Variants in RNF145 observed in about 807,000 individuals in gnomAD.
RNF145 encodes the protein ring finger protein 145.
Under a neutral mutation model 57.3 loss-of-function variants are expected in RNF145, and 12 were observed. The observed-to-expected ratio is 0.21, with a 90% CI of 0.13 to 0.34. The LOEUF (loss-of-function observed/expected upper bound fraction) is 0.34, where lower values mean the gene tolerates loss of function less well. RNF145 is among the 10% of genes least tolerant of loss of function. The pLI is 1.00. For missense variants in RNF145, 429 were observed against 799.0 expected, an observed-to-expected ratio of 0.54 and a Z score of 5.58; for synonymous variants, 262 against 288.3, an observed-to-expected ratio of 0.91 and a Z score of 0.92.
intron 5 of RNF145, 130 bp downstream of exon 5, chr5:159,176,502 A>G (rs1784725161): frequency 1.6e-6 from 1 of 615,778 alleles, no homozygotes; most frequent in African/African-American, 1.9e-5. Context: ...TGGGCTGAAA[A>G]TAGCAGCTGT....
At position 159,164,952 on chromosome 5, in the gene RNF145, G is replaced by A. The variant is rs528350598; in HGVS notation, c.1122-1873C>T. ...TAACAATTATTTCATTAATAGAAAA[G>A]TTGTTTCATGAACTATTAGTATCAT... On this transcript the variant is annotated intron_variant, in intron 8 of 10. Coordinates refer to ENST00000424310, the MANE Select transcript of RNF145 (RefSeq NM_001199383.2). Among the ~76,000 whole-genome samples the A allele has an allele frequency of 1.5e-3, 230 of 152,296 alleles. 1 individual carries two copies. The highest frequency in any genetic ancestry group is 5.2e-3 in the African/African-American group (216 of 41,564).
intron 1 of RNF145, among the ~76,000 whole-genome samples, chr5:159,204,398 G>A (rs1217830670): frequency 3.3e-5 from 5 of 151,994 alleles, no homozygotes; most frequent in Non-Finnish European, 5.9e-5. Context: ...GGGGGGGGCA[G>A]GGGGAGGAGG....
At chr5:159,187,867 T>C (rs1010574586) in intron 3 of RNF145, among the ~76,000 whole-genome samples, 1 of 152,182 alleles carries the variant, frequency 6.6e-6, no homozygotes. Context: ...CTTTGAATTA[T>C]GCAAGTCATC....
chr5:159,175,304 A>G (rs1374543965), intron 5 of RNF145, among the ~76,000 whole-genome samples: 1 of 152,048 alleles, frequency 6.6e-6, no homozygotes, highest in Non-Finnish European at 1.5e-5. Context: ...ACAGACCACT[A>G]AAAAAACCTG....
chr5:159,170,352 A>T (rs931107555), intron 6 of RNF145, among the ~76,000 whole-genome samples: 1 of 152,172 alleles, frequency 6.6e-6, no homozygotes, highest in Non-Finnish European at 1.5e-5. Context: ...GGCATTTTTT[A>T]AAAAAGGGTT....
rs571792746 is a variant in RNF145 at position 159,171,018 on chromosome 5, T to A, written c.798-1199A>T. On this transcript the variant is annotated intron_variant, in intron 6 of 10. Coordinates refer to ENST00000424310, the MANE Select transcript of RNF145 (RefSeq NM_001199383.2). The stretch of plus-strand genomic sequence containing the variant: ...AGCTCCATGCTTCTATATAGTTATC[T>A]TTCCTACACAATTGCTTATTAGTTG... Among the ~76,000 whole-genome samples, 13 of 152,288 alleles carry A rather than the reference T, an allele frequency of 8.5e-5. No homozygotes were observed. In the South Asian group the frequency reaches 2.7e-3, roughly 32 times the overall value.
chr5:159,190,372 G>T (rs986190604), intron 3 of RNF145, among the ~76,000 whole-genome samples: 9 of 151,740 alleles, frequency 5.9e-5, no homozygotes, highest in African/African-American at 2.2e-4. Flanking sequence ...TGACTATCTC[G>T]ATAAAGTTGT....
intron 2 of RNF145, 35 bp from the exon 3 acceptor site, chr5:159,194,859 T>C (rs764763732): frequency 1.4e-6 from 2 of 1,391,714 alleles, no homozygotes; most frequent in Non-Finnish European, 2.0e-6. Flanking sequence ...ACAATTTTAA[T>C]TTAGTTTCCC....
intron 6 of RNF145, among the ~76,000 whole-genome samples, chr5:159,171,061 T>C (rs187779644): frequency 2.3e-4 from 35 of 152,338 alleles, no homozygotes; most frequent in African/African-American, 8.4e-4. Flanking sequence ...TGTGAAAGCA[T>C]CTAATTTTAC....
At chr5:159,198,929 G>A (rs1294744948) in intron 2 of RNF145, among the ~76,000 whole-genome samples, 1 of 152,056 alleles carries the variant, frequency 6.6e-6, no homozygotes, top group African/African-American at 2.4e-5. Context: ...AGTGAGCCAT[G>A]ATCACACCAC....
chr5:159,184,210 A>G (rs1201290376), intron 3 of RNF145, among the ~76,000 whole-genome samples: 1 of 152,170 alleles, frequency 6.6e-6, no homozygotes, highest in Non-Finnish European at 1.5e-5. Flanking sequence ...ATTATGCTAG[A>G]ATTTGATTGC....
intron 1 of RNF145, among the ~76,000 whole-genome samples, chr5:159,204,685 T>G (rs1319671672): frequency 6.6e-6 from 1 of 151,330 alleles, no homozygotes; most frequent in Non-Finnish European, 1.5e-5. Context: ...ACACCTGTAG[T>G]CCCAGCTACT....
intron 3 of RNF145, among the ~76,000 whole-genome samples, chr5:159,188,157 C>T (rs1004749197): frequency 6.6e-6 from 1 of 151,968 alleles, no homozygotes; most frequent in Admixed American, 6.6e-5. Context: ...CCAAGGCGGG[C>T]GGATCACAAG....
chr5:159,182,396 A>T (rs981264485), intron 3 of RNF145, among the ~76,000 whole-genome samples: 2 of 152,030 alleles, frequency 1.3e-5, no homozygotes, highest in Non-Finnish European at 2.9e-5. Context: ...ACATCTAGTG[A>T]TATTACACTA....
chr5:159,172,991 T>C (rs930221058), intron 6 of RNF145, among the ~76,000 whole-genome samples: 1 of 152,152 alleles, frequency 6.6e-6, no homozygotes, highest in Non-Finnish European at 1.5e-5. Flanking sequence ...GAATGTGAGA[T>C]TCAAACTCAA....
intron 2 of RNF145, among the ~76,000 whole-genome samples, chr5:159,201,867 C>T (rs1160116998): frequency 6.6e-6 from 1 of 152,026 alleles, no homozygotes; most frequent in Non-Finnish European, 1.5e-5. Context: ...ACTTTTTATG[C>T]TTTTTTATTT....
At chr5:159,184,704 T>G (rs1390083642) in intron 3 of RNF145, among the ~76,000 whole-genome samples, 1 of 152,228 alleles carries the variant, frequency 6.6e-6, no homozygotes, top group African/African-American at 2.4e-5. Flanking sequence ...TCTTAAATAC[T>G]ACTTATTTTA....
At chr5:159,209,027 G>A (rs1584719818) in intron 1 of RNF145, among the ~76,000 whole-genome samples, 3 of 151,698 alleles carry the variant, frequency 2.0e-5, no homozygotes, top group Non-Finnish European at 1.5e-5. Flanking sequence ...GCTAGAGGAT[G>A]GGAGGGAGGG....
At chr5:159,208,226 GGCCGCC>G (rs1785971171) in intron 1 of RNF145, 2 of 1,185,474 alleles carry the variant, frequency 1.7e-6, no homozygotes, top group African/African-American at 3.1e-5. Context: ...GCAGCAACCG[GGCCGCC>G]GCCGCCGCGG....
Sources: gnomAD v4.1 joint callset for allele counts (sites outside exome capture counted in the v4.1 genomes callset) on GRCh38, gnomAD v4.1.1 for gene constraint, MANE v1.5 for transcripts, NCBI Gene and HGNC (gene_info 2026-07-23, HGNC 2026-07-21) for gene names.